Variants in DDX10 observed in about 807,000 individuals in gnomAD.
DDX10 encodes probable ATP-dependent RNA helicase DDX10.
DDX10 carries 74 observed loss-of-function variants against 104.3 expected under a neutral mutation model. The ratio of observed to expected loss-of-function variants is 0.71; its 90% CI spans 0.59 to 0.86. The LOEUF is 0.86. Ranked by LOEUF, DDX10 falls within the 40% of genes least tolerant of loss-of-function variation. The pLI is 0.00. For missense variants in DDX10, 952 were observed against 1,040.0 expected, an observed-to-expected ratio of 0.92 and a Z score of 1.16; for synonymous variants, 351 against 353.4, an observed-to-expected ratio of 0.99 and a Z score of 0.08.
chr11:108,915,949 TA>T (rs34651677), intron 16 of DDX10, among the ~76,000 whole-genome samples: 115,282 of 127,732 alleles, frequency 0.9, 52,415 homozygotes, highest in Non-Finnish European at 0.98. Flanking sequence ...TGCAAAAATG[TA>T]AAAAAAAAAA....
At chr11:108,684,872 G>T (rs1217480364) in intron 6 of DDX10, among the ~76,000 whole-genome samples, 2 of 145,324 alleles carry the variant, frequency 1.4e-5, no homozygotes, top group Non-Finnish European at 3.0e-5. Context: ...GTTGTTTCCT[G>T]ACTTTTTAAT....
At position 108,849,293 on chromosome 11, in the gene DDX10, A is replaced by G. The variant is rs188892832; in HGVS notation, c.2248-2860A>G. Among the ~76,000 whole-genome samples the G allele has an allele frequency of 3.3e-3, 502 of 152,230 alleles. 1 individual carries two copies. The highest frequency in any genetic ancestry group is 0.011 in the African/African-American group (472 of 41,570). On this transcript the variant is annotated intron_variant, in intron 15 of 17. Coordinates refer to ENST00000322536, the MANE Select transcript of DDX10 (RefSeq NM_004398.4). The stretch of plus-strand genomic sequence containing the variant: ...AAAGATGCATGTCCCCTTCTTCCTT[A>G]TGTGATAGCTGGGGAGTCAATTCCT...
chr11:108,720,826 C>A (rs1338427704), intron 12 of DDX10, among the ~76,000 whole-genome samples: 1 of 151,076 alleles, frequency 6.6e-6, no homozygotes, highest in Non-Finnish European at 1.5e-5. Flanking sequence ...CTCCTGGGCT[C>A]AAGTGATCCC....
chr11:108,774,306 G>A (rs753879752), intron 13 of DDX10, among the ~76,000 whole-genome samples: 5 of 152,222 alleles, frequency 3.3e-5, no homozygotes, highest in Non-Finnish European at 4.4e-5. Context: ...CACTTAGGTT[G>A]CAATTTTCTT....
chr11:108,803,480 G>T (rs1862053296), intron 13 of DDX10, among the ~76,000 whole-genome samples: 1 of 150,618 alleles, frequency 6.6e-6, no homozygotes, highest in Non-Finnish European at 1.5e-5. Context: ...TGTAATCCCA[G>T]CTACTCCGGA....
intron 13 of DDX10, among the ~76,000 whole-genome samples, chr11:108,831,125 G>T (rs575706997): frequency 4.5e-4 from 68 of 152,202 alleles, no homozygotes; most frequent in Admixed American, 1.5e-3. Context: ...CTCTTATCGG[G>T]CTGGGCATGG....
chr11:108,714,854 T>C (rs2094289278), intron 10 of DDX10, among the ~76,000 whole-genome samples: 1 of 152,116 alleles, frequency 6.6e-6, no homozygotes, highest in Non-Finnish European at 1.5e-5. Flanking sequence ...GAGACAAAAC[T>C]GGCTGTGACT....
intron 10 of DDX10, among the ~76,000 whole-genome samples, chr11:108,710,571 C>T (rs979852437): frequency 6.6e-6 from 1 of 152,064 alleles, no homozygotes; most frequent in African/African-American, 2.4e-5. Flanking sequence ...ATGGAGCTGT[C>T]ATCATTTATG....
chr11:108,667,096 A>T (rs1490394397), intron 1 of DDX10, among the ~76,000 whole-genome samples: 1 of 152,212 alleles, frequency 6.6e-6, no homozygotes, highest in Non-Finnish European at 1.5e-5. Context: ...GGATTACTAT[A>T]GTAAATATTG....
intron 13 of DDX10, among the ~76,000 whole-genome samples, chr11:108,778,438 T>G (rs554177236): frequency 0.022 from 3,349 of 152,208 alleles, 102 homozygotes; most frequent in African/African-American, 0.076. Flanking sequence ...AAACAAGCAA[T>G]GGGGAAAGGA....
At chr11:108,777,420 C>T (rs1020297428) in intron 13 of DDX10, among the ~76,000 whole-genome samples, 3 of 152,042 alleles carry the variant, frequency 2.0e-5, no homozygotes, top group African/African-American at 4.8e-5. Flanking sequence ...ACCTCTGCCT[C>T]CTGGATTCAA....
At chr11:108,789,037 C>G (rs1010381448) in intron 13 of DDX10, among the ~76,000 whole-genome samples, 14 of 152,170 alleles carry the variant, frequency 9.2e-5, no homozygotes, top group African/African-American at 3.4e-4. Context: ...GAGACACACC[C>G]CACTCCCCTG....
At chr11:108,929,233 A>G (rs1030900858) in intron 17 of DDX10, among the ~76,000 whole-genome samples, 2 of 152,180 alleles carry the variant, frequency 1.3e-5, no homozygotes, top group Non-Finnish European at 2.9e-5. Flanking sequence ...GAAGTAAACA[A>G]AAAGCAGACA....
rs533802188 is a variant in DDX10 at position 108,841,453 on chromosome 11, A to T, written c.2224A>T (p.Lys742Ter). 1.9e-6 allele frequency: 3 copies of T among 1,613,554 alleles called. No homozygotes were observed. The highest frequency in any genetic ancestry group is 2.5e-6 in the Non-Finnish European group (3 of 1,179,646). The change falls in exon 15 of 18, where the codon AAA becomes TAA. Residue 742 changes from lysine to a stop codon, truncating the protein, a stop_gained. Transcript: ENST00000322536. LOFTEE classifies it high-confidence loss of function. Reference sequence around the variant, plus strand: ...CAAATTTGACAAAGAAGAATATAGGAAAAAAATTAAGGCAAAGCATCGGGT... The same window carrying T: ...CAAATTTGACAAAGAAGAATATAGGTAAAAAATTAAGGCAAAGCATCGGGT... Reference protein sequence around the residue: ...EDKFDKEEYRKKIKAKHREKR... With the variant: ...EDKFDKEEYR
chr11:108,911,671 C>T (rs1351341165), intron 16 of DDX10, among the ~76,000 whole-genome samples: 1 of 146,552 alleles, frequency 6.8e-6, no homozygotes, highest in Non-Finnish European at 1.5e-5. Flanking sequence ...GGGCTCAAGC[C>T]ATTCTCCCAC....
chr11:108,814,961 G>A (rs1197404263), intron 13 of DDX10, among the ~76,000 whole-genome samples: 2 of 152,132 alleles, frequency 1.3e-5, no homozygotes, highest in African/African-American at 4.8e-5. Flanking sequence ...GCAGAAAAGC[G>A]GAATCAGGAA....
intron 9 of DDX10, among the ~76,000 whole-genome samples, chr11:108,702,123 T>C (rs61913978): frequency 0.12 from 18,694 of 152,132 alleles, 1,562 homozygotes; most frequent in East Asian, 0.27. Context: ...ATTGGTAGTA[T>C]TAGGATGTAT....
chr11:108,834,772 A>G (rs961566227), intron 13 of DDX10, among the ~76,000 whole-genome samples: 50 of 151,738 alleles, frequency 3.3e-4, no homozygotes, highest in African/African-American at 1.1e-3. Flanking sequence ...CTAAAAATAC[A>G]AAAAAATTAG....
At chr11:108,785,679 A>G (rs1861781319) in intron 13 of DDX10, among the ~76,000 whole-genome samples, 1 of 152,118 alleles carries the variant, frequency 6.6e-6, no homozygotes, top group South Asian at 2.1e-4. Flanking sequence ...GTTTCCAGGA[A>G]CTTATCCATT....
Sources: gnomAD v4.1 joint callset for allele counts (sites outside exome capture counted in the v4.1 genomes callset) on GRCh38, gnomAD v4.1.1 for gene constraint, MANE v1.5 for transcripts, NCBI Gene and HGNC (gene_info 2026-07-23, HGNC 2026-07-21) for gene names.